Variants in CNGB3 observed in about 807,000 individuals in gnomAD.
CNGB3 encodes the protein cyclic nucleotide-gated channel beta-3.
In CNGB3, 86 loss-of-function variants were observed where a neutral mutation model predicts 92.8. The observed-to-expected ratio is 0.93, with a 90% CI of 0.78 to 1.11. The LOEUF (loss-of-function observed/expected upper bound fraction) is 1.11, where lower values mean the gene tolerates loss of function less well. Among genes scored for constraint, CNGB3 ranks in the 50% least tolerant of loss-of-function variants. CNGB3 has a pLI of 0.00. For synonymous variants in CNGB3, 333 were observed against 332.7 expected, an observed-to-expected ratio of 1.00 and a Z score of -0.01; for missense variants, 1,026 against 956.8, an observed-to-expected ratio of 1.07 and a Z score of -0.95.
At chr8:86,715,997 A>C (rs1041446945) in intron 3 of CNGB3, among the ~76,000 whole-genome samples, 1 of 152,074 alleles carries the variant, frequency 6.6e-6, no homozygotes, top group African/African-American at 2.4e-5. Context: ...AAATTAAAAA[A>C]CAAAAATATT....
Position 86,582,472 on chromosome 8 carries a change from C to T in CNGB3, c.1782-3220G>A, listed in dbSNP as rs1386811036. On this transcript the variant is annotated intron_variant, in intron 15 of 17. Transcript: ENST00000320005. ...CCATAGATCCAGGAAGATAGGAGAACATTAAGCAAGATAAATGCCAAAAGA... is the reference window on the plus strand; with the variant it reads ...CCATAGATCCAGGAAGATAGGAGAATATTAAGCAAGATAAATGCCAAAAGA... Among the ~76,000 whole-genome samples, 5 of 151,342 alleles carry T rather than the reference C, an allele frequency of 3.3e-5. No homozygotes were observed. In the South Asian group the frequency reaches 8.3e-4, roughly 25 times the overall value.
intron 3 of CNGB3, among the ~76,000 whole-genome samples, chr8:86,701,039 T>C (rs1382301909): frequency 6.6e-6 from 1 of 152,244 alleles, no homozygotes; most frequent in Non-Finnish European, 1.5e-5. Context: ...AAATATTGAA[T>C]CCTAGCTCCA....
At chr8:86,689,749 C>T (rs553856078) in intron 3 of CNGB3, among the ~76,000 whole-genome samples, 1 of 146,372 alleles carries the variant, frequency 6.8e-6, no homozygotes, top group Non-Finnish European at 1.5e-5. Context: ...GTGTGATGTT[C>T]CCCTTCCTGT....
intron 3 of CNGB3, among the ~76,000 whole-genome samples, chr8:86,724,633 A>G (rs1438722164): frequency 6.6e-6 from 1 of 152,174 alleles, no homozygotes; most frequent in East Asian, 1.9e-4. Flanking sequence ...ATAATCATAT[A>G]AAATGCATCA....
At chr8:86,593,860 G>T in intron 15 of CNGB3, 1 of 761,048 alleles carries the variant, frequency 1.3e-6, no homozygotes, top group East Asian at 3.1e-5. Context: ...CCTGGACCCC[G>T]GGCAGCATAG....
chr8:86,731,798 G>A (rs947926129), intron 2 of CNGB3, among the ~76,000 whole-genome samples: 1 of 152,126 alleles, frequency 6.6e-6, no homozygotes, highest in African/African-American at 2.4e-5. Flanking sequence ...TGAGAAAAAT[G>A]CAATATAAAC....
At chr8:86,722,063 A>G (rs372592249) in intron 3 of CNGB3, among the ~76,000 whole-genome samples, 2 of 152,164 alleles carry the variant, frequency 1.3e-5, no homozygotes, top group African/African-American at 4.8e-5. Flanking sequence ...AACAATGGTG[A>G]TGAAAAGCCA....
intron 13 of CNGB3, among the ~76,000 whole-genome samples, chr8:86,624,410 C>G (rs1490179610): frequency 6.6e-6 from 1 of 152,188 alleles, no homozygotes; most frequent in African/African-American, 2.4e-5. Flanking sequence ...CAGAGCAAGA[C>G]TCTGTCTCTA....
chr8:86,626,777 T>C (rs1282211385), intron 12 of CNGB3, among the ~76,000 whole-genome samples: 2 of 152,146 alleles, frequency 1.3e-5, no homozygotes, highest in African/African-American at 4.8e-5. Context: ...TTTTTCTACA[T>C]GTGAATTAAA....
At chr8:86,644,753 A>T in intron 8 of CNGB3, 67 bp from the exon 9 acceptor site, 1 of 1,039,008 alleles carries the variant, frequency 9.6e-7, no homozygotes, top group Non-Finnish European at 1.3e-6. Context: ...AAATAAAACT[A>T]TATGAAATAG....
intron 14 of CNGB3, among the ~76,000 whole-genome samples, chr8:86,605,973 C>T (rs1482560131): frequency 6.6e-6 from 1 of 152,042 alleles, no homozygotes; most frequent in Non-Finnish European, 1.5e-5. Context: ...TTCCTTTTTA[C>T]AAAAATTAAA....
chr8:86,666,918 C>T lies in CNGB3; in HGVS notation c.852+7G>A. On this transcript the variant is annotated splice_region_variant and intron_variant, in intron 6 of 17. Transcript: ENST00000320005. Reference sequence around the variant, plus strand: ...TTCAGTTTCTGCCTTTCCCGAACCCCACTTACTATTATGTCTCCTCCTCTT... The same window carrying T: ...TTCAGTTTCTGCCTTTCCCGAACCCTACTTACTATTATGTCTCCTCCTCTT... 1.2e-6 allele frequency: 2 copies of T among 1,609,552 alleles called. No individual in the cohort carries two copies. Among genetic ancestry groups the T allele is most frequent in the Non-Finnish European group, 8.5e-7 (1 of 1,177,526 alleles).
intron 3 of CNGB3, among the ~76,000 whole-genome samples, chr8:86,712,393 T>C (rs990512526): frequency 1.3e-5 from 2 of 152,156 alleles, no homozygotes; most frequent in Non-Finnish European, 2.9e-5. Flanking sequence ...AGAATTAGCA[T>C]TTTTCCCCTA....
chr8:86,575,296 G>A lies in CNGB3; in HGVS notation c.*508C>T, dbSNP rs1259244537. 5 of 152,276 alleles carry A rather than the reference G, an allele frequency of 3.3e-5. No homozygotes were observed. The highest frequency in any genetic ancestry group is 7.3e-5 in the Non-Finnish European group (5 of 68,150). The allele number at this position is 152,276 out of a possible 1,614,324, so 9.4% of individuals were successfully genotyped here. A position where few individuals can be genotyped will look rare whatever the true frequency, so the allele number is the denominator to read the frequency against. On this transcript the variant is annotated 3_prime_UTR_variant, in exon 18 of 18. Transcript: ENST00000320005. ...CTGCTGGGGATTTTTTGATATTACA[G>A]TGACTCATCATCCTCATTTGAATGA...
chr8:86,652,229 G>A (rs1393855995), intron 7 of CNGB3, among the ~76,000 whole-genome samples: 2 of 151,888 alleles, frequency 1.3e-5, no homozygotes, highest in Non-Finnish European at 2.9e-5. Context: ...ATAAAAAATG[G>A]TACACCTGTA....
In CNGB3 at chr8:86,736,445, A is replaced by G. The variant is rs547879215; in HGVS notation, c.211+3210T>C. On this transcript the variant is annotated intron_variant, in intron 2 of 17. Coordinates refer to ENST00000320005, the MANE Select transcript of CNGB3 (RefSeq NM_019098.5). ...ATGAAAAATTTAAGCTTACAAATACACTTTGAAAAAAGTATGACAAAGATA... is the reference window on the plus strand; with the variant it reads ...ATGAAAAATTTAAGCTTACAAATACGCTTTGAAAAAAGTATGACAAAGATA... Among the ~76,000 whole-genome samples the G allele has an allele frequency of 6.6e-5, 10 of 152,210 alleles. No homozygotes were observed. In the South Asian group the frequency reaches 1.5e-3, roughly 22 times the overall value.
At chr8:86,675,635 A>G (rs1179148010) in intron 3 of CNGB3, among the ~76,000 whole-genome samples, 1 of 151,136 alleles carries the variant, frequency 6.6e-6, no homozygotes, top group African/African-American at 2.4e-5. Flanking sequence ...GCTGGTCTTT[A>G]AGTAGGAGCT....
At chr8:86,734,720 G>A (rs1825214805) in intron 2 of CNGB3, among the ~76,000 whole-genome samples, 1 of 152,164 alleles carries the variant, frequency 6.6e-6, no homozygotes, top group African/African-American at 2.4e-5. Flanking sequence ...TGTAACACCT[G>A]GCAGAACTTG....
intron 3 of CNGB3, among the ~76,000 whole-genome samples, chr8:86,707,308 AAAAT>A (rs1824668258): frequency 6.6e-6 from 1 of 152,238 alleles, no homozygotes; most frequent in Non-Finnish European, 1.5e-5. Flanking sequence ...ATAAACTTAA[AAAAT>A]ATAGAATATG....
Sources: gnomAD v4.1 joint callset for allele counts (sites outside exome capture counted in the v4.1 genomes callset) on GRCh38, gnomAD v4.1.1 for gene constraint, MANE v1.5 for transcripts, NCBI Gene and HGNC (gene_info 2026-07-23, HGNC 2026-07-21) for gene names.